ZBTB44: variants seen among roughly 807,000 people sequenced by gnomAD.
ZBTB44 encodes the protein zinc finger and BTB domain containing 44.
Under a neutral mutation model 54.0 loss-of-function variants are expected in ZBTB44, and 15 were observed. The observed-to-expected ratio is 0.28, with a 90% CI of 0.19 to 0.43. The LOEUF is 0.43. Among genes scored for constraint, ZBTB44 ranks in the 20% least tolerant of loss-of-function variants. The probability of loss-of-function intolerance (pLI) is 1.00; values close to 1 mark genes in which losing one functional copy is unlikely to be tolerated. For synonymous variants in ZBTB44, 230 were observed against 250.1 expected (o/e 0.92, Z 0.76); for missense variants, 487 against 707.1 (o/e 0.69, Z 3.53).
intron 2 of ZBTB44, among the ~76,000 whole-genome samples, chr11:130,259,642 T>C (rs1938706556): frequency 6.6e-6 from 1 of 152,196 alleles, no homozygotes; most frequent in South Asian, 2.1e-4. Flanking sequence ...AATGAGTTCA[T>C]GTCCTTTGCA....
At chr11:130,233,117 A>G (rs1953943349) in intron 7 of ZBTB44, 191 bp downstream of exon 7, 1 of 545,764 alleles carries the variant, frequency 1.8e-6, no homozygotes. Context: ...TATAAAATAT[A>G]GAATATCTCC....
rs552875813 is a variant in ZBTB44, at chr11:130,257,109, C to T, written c.1018+3747G>A. On this transcript the variant is annotated intron_variant, in intron 2 of 7. Coordinates refer to ENST00000357899, the MANE Select transcript of ZBTB44 (RefSeq NM_001301098.2). Reference sequence around the variant, plus strand: ...AAAATCAATGTGCAAAAATCACAAGCGTTCCTATACACCAGTAATAGACAA... The same window carrying T: ...AAAATCAATGTGCAAAAATCACAAGTGTTCCTATACACCAGTAATAGACAA... 2.8e-3 allele frequency among the ~76,000 whole-genome samples: 433 copies of T among 151,940 alleles called. 1 individual carries two copies. The highest frequency in any genetic ancestry group is 4.4e-3 in the Non-Finnish European group (299 of 67,972).
intron 7 of ZBTB44, chr11:130,232,515 A>G (rs563923047): frequency 2.8e-4 from 43 of 152,302 alleles, no homozygotes; most frequent in African/African-American, 1.0e-3. Flanking sequence ...TAAGGTTTTC[A>G]GTTTCTCATT....
intron 1 of ZBTB44, among the ~76,000 whole-genome samples, chr11:130,298,881 G>A (rs1288623264): frequency 1.3e-5 from 2 of 150,816 alleles, no homozygotes; most frequent in African/African-American, 4.9e-5. Flanking sequence ...AAAGATAAAA[G>A]ATCTGCAGCT....
chr11:130,270,838 C>T (rs1939614300), intron 1 of ZBTB44, among the ~76,000 whole-genome samples: 1 of 152,140 alleles, frequency 6.6e-6, no homozygotes, highest in African/African-American at 2.4e-5. Context: ...TTTGGATATA[C>T]TGAGTTTAAA....
chr11:130,240,715 T>C (rs1348212514), intron 2 of ZBTB44, among the ~76,000 whole-genome samples: 1 of 152,206 alleles, frequency 6.6e-6, no homozygotes, highest in Non-Finnish European at 1.5e-5. Context: ...AAGCTTCTTA[T>C]GGTTATCATT....
At position 130,261,886 on chromosome 11, in the gene ZBTB44, C is replaced by CTAGAA; in HGVS notation, c.-14_-13insTTCTA. 6.3e-7 allele frequency: 1 copy of CTAGAA among 1,589,162 alleles called. No individual in the cohort carries two copies. Among genetic ancestry groups the CTAGAA allele is most frequent in the Non-Finnish European group, 8.6e-7 (1 of 1,166,160 alleles). ...TTTTCACACCCATCTTTTACTTCCT[C>CTAGAA]TTCTACAGATGCTCTTCAAGGATGC... On this transcript the variant is annotated 5_prime_UTR_variant, in exon 2 of 8. Coordinates refer to ENST00000357899, the MANE Select transcript of ZBTB44 (RefSeq NM_001301098.2). This position sits in a 1 kb window ranked among gnomAD's most constrained non-coding sequence, Gnocchi z 4.8.
chr11:130,271,736 G>A (rs1285235598), intron 1 of ZBTB44, among the ~76,000 whole-genome samples: 2 of 152,100 alleles, frequency 1.3e-5, no homozygotes, highest in East Asian at 1.9e-4. Flanking sequence ...TAATGGACAC[G>A]AGTTGTTTCC....
chr11:130,268,765 A>G (rs1347415509), intron 1 of ZBTB44, among the ~76,000 whole-genome samples: 1 of 151,640 alleles, frequency 6.6e-6, no homozygotes, highest in Non-Finnish European at 1.5e-5. Flanking sequence ...ATTTTAGTAG[A>G]GATGGGGTTT....
At chr11:130,248,772 A>G (rs891439606) in intron 2 of ZBTB44, among the ~76,000 whole-genome samples, 5 of 152,298 alleles carry the variant, frequency 3.3e-5, no homozygotes, top group South Asian at 2.1e-4. Context: ...TTCTACTTAT[A>G]TAACTGAAAG....
In ZBTB44 at chr11:130,229,071, G is replaced by T. The variant is rs1195855581; in HGVS notation, c.*2693C>A. ...AGCCGGCCTGGGTCTTGCACAGTGG[G>T]GGTTTACTTAAGTAAAAGTAGCACA... is the stretch of plus-strand genomic sequence containing the variant. On this transcript the variant is annotated 3_prime_UTR_variant, in exon 8 of 8. Transcript: ENST00000357899. The T allele has an allele frequency of 1.3e-5, 2 of 152,018 alleles. No individual in the cohort carries two copies. Among genetic ancestry groups the T allele is most frequent in the South Asian group, 2.1e-4 (1 of 4,814 alleles). 9.4% of individuals were successfully genotyped at this position (152,018 alleles called of 1,614,324 possible). A position where few individuals can be genotyped will look rare whatever the true frequency, so the allele number is the denominator to read the frequency against.
chr11:130,309,654 G>C (rs554198359), intron 1 of ZBTB44, among the ~76,000 whole-genome samples: 1 of 152,086 alleles, frequency 6.6e-6, no homozygotes, highest in Non-Finnish European at 1.5e-5. Context: ...TTACACTTCA[G>C]GAGGCCGAGG....
intron 1 of ZBTB44, among the ~76,000 whole-genome samples, chr11:130,268,004 A>T (rs963218571): frequency 2.0e-5 from 3 of 150,568 alleles, no homozygotes; most frequent in Non-Finnish European, 4.4e-5. Flanking sequence ...CGGGAGGTGG[A>T]GGCTGCAGTG....
At chr11:130,297,465 T>C (rs746961974) in intron 1 of ZBTB44, among the ~76,000 whole-genome samples, 35 of 152,260 alleles carry the variant, frequency 2.3e-4, no homozygotes, top group Non-Finnish European at 4.1e-4. Context: ...TGTCTTGGTA[T>C]GGGGTTGAAT....
chr11:130,233,014 AG>A (rs1334660147), intron 7 of ZBTB44: 2 of 281,730 alleles, frequency 7.1e-6, no homozygotes, highest in East Asian at 6.7e-5. Flanking sequence ...TTAAAAAAAA[AG>A]AAAAAAAAAA....
chr11:130,238,723 G>A (rs1017688808), intron 3 of ZBTB44, 116 bp from the exon 4 acceptor site: 13 of 1,072,124 alleles, frequency 1.2e-5, no homozygotes, highest in Non-Finnish European at 1.6e-5. Context: ...TTTTGAAACA[G>A]TTTAACTGTT....
intron 1 of ZBTB44, among the ~76,000 whole-genome samples, chr11:130,300,936 T>C (rs1415338448): frequency 6.6e-6 from 1 of 152,180 alleles, no homozygotes; most frequent in Non-Finnish European, 1.5e-5. Context: ...ATACTGATTT[T>C]TTACAGAATG....
At chr11:130,257,350 A>G (rs569246638) in intron 2 of ZBTB44, among the ~76,000 whole-genome samples, 2 of 152,256 alleles carry the variant, frequency 1.3e-5, no homozygotes, top group South Asian at 4.1e-4. Flanking sequence ...AGATGAGGTC[A>G]TGCTGGATTA....
At chr11:130,252,513 C>T (rs1565653287) in intron 2 of ZBTB44, among the ~76,000 whole-genome samples, 1 of 152,140 alleles carries the variant, frequency 6.6e-6, no homozygotes, top group Non-Finnish European at 1.5e-5. Context: ...TAAAATAGAC[C>T]ACATAATTGG....
Sources: gnomAD v4.1 joint callset for allele counts (sites outside exome capture counted in the v4.1 genomes callset) on GRCh38, gnomAD v4.1.1 for gene constraint, Gnocchi (gnomAD v3.1) non-coding constraint, MANE v1.5 for transcripts, NCBI Gene and HGNC (gene_info 2026-07-23, HGNC 2026-07-21) for gene names.